Variants in PRKCB observed in about 807,000 individuals in gnomAD.
PRKCB encodes the protein protein kinase C beta type.
Under a neutral mutation model 81.5 loss-of-function variants are expected in PRKCB, and 13 were observed. The ratio of observed to expected loss-of-function variants is 0.16; its 90% CI spans 0.10 to 0.25. The LOEUF is 0.25. Ranked by LOEUF, PRKCB falls within the 10% of genes least tolerant of loss-of-function variation. The probability of loss-of-function intolerance (pLI) is 1.00; values close to 1 mark genes in which losing one functional copy is unlikely to be tolerated. For missense variants in PRKCB, 509 were observed against 875.7 expected (o/e 0.58, Z 5.29); for synonymous variants, 335 against 321.4 (o/e 1.04, Z -0.45).
intron 2 of PRKCB, among the ~76,000 whole-genome samples, chr16:23,884,031 A>T (rs1008913411): frequency 3.3e-5 from 5 of 152,344 alleles, no homozygotes; most frequent in Middle Eastern, 6.8e-3. Flanking sequence ...ACTTCCCCGC[A>T]TAGCAAGTCT....
chr16:23,966,045 A>G (rs1372013724), intron 2 of PRKCB, among the ~76,000 whole-genome samples: 1 of 152,246 alleles, frequency 6.6e-6, no homozygotes, highest in Non-Finnish European at 1.5e-5. Flanking sequence ...CCATGGGGTA[A>G]GAGGGCCATT....
At chr16:23,855,249 G>T (rs568789078) in intron 2 of PRKCB, among the ~76,000 whole-genome samples, 1 of 152,264 alleles carries the variant, frequency 6.6e-6, no homozygotes, top group African/African-American at 2.4e-5. Flanking sequence ...ATGGAGTGCG[G>T]ATGAGGTCTG....
chr16:24,182,873 T>TTTGTGTGTGTGTGTGTG (rs1555501177), intron 13 of PRKCB, among the ~76,000 whole-genome samples: 44 of 133,520 alleles, frequency 3.3e-4, no homozygotes, highest in African/African-American at 1.3e-3. Context: ...ACATTGTTTC[T>TTTGTGTGTGTGTGTGTG]TGTGTGTGTG....
chr16:24,164,653 G>C (rs1396569538), intron 10 of PRKCB, among the ~76,000 whole-genome samples: 1 of 152,146 alleles, frequency 6.6e-6, no homozygotes, highest in Non-Finnish European at 1.5e-5. Context: ...AGAGGGAGAG[G>C]ATAGAAATAT....
At chr16:23,976,911 A>G (rs1400042158) in intron 2 of PRKCB, among the ~76,000 whole-genome samples, 1 of 152,000 alleles carries the variant, frequency 6.6e-6, no homozygotes, top group East Asian at 1.9e-4. Flanking sequence ...TGGTGGATTT[A>G]TTTACTTCTC....
chr16:24,147,782 C>T (rs1967017693), intron 9 of PRKCB, among the ~76,000 whole-genome samples: 1 of 152,212 alleles, frequency 6.6e-6, no homozygotes, highest in African/African-American at 2.4e-5. Context: ...TTTGTTAAGC[C>T]CTCCCTTCTT....
rs865865177 is a variant in PRKCB at position 24,218,855 on chromosome 16, G to A, written c.*4039G>A. 2.5e-5 allele frequency: 25 copies of A among 985,312 alleles called. No homozygotes were observed. The African/African-American group carries it at 3.3e-4, about 13-fold the overall frequency. The allele number at this position is 985,312 out of a possible 1,614,324, so 61.0% of individuals were successfully genotyped here. A position where few individuals can be genotyped will look rare whatever the true frequency, so the allele number is the denominator to read the frequency against. On this transcript the variant is annotated 3_prime_UTR_variant, in exon 17 of 17. Coordinates refer to ENST00000643927, the MANE Select transcript of PRKCB (RefSeq NM_002738.7). ...GTTGTCTTGTAATAAAACAGCCATG[G>A]GGTTGTCCCTCCAGTCCGAGAGACT...
At chr16:23,946,704 G>T (rs1230299189) in intron 2 of PRKCB, among the ~76,000 whole-genome samples, 1 of 152,042 alleles carries the variant, frequency 6.6e-6, no homozygotes, top group African/African-American at 2.4e-5. Flanking sequence ...GCGTGCAGAA[G>T]AATCACCTGT....
At position 24,023,828 on chromosome 16, in the gene PRKCB, A is replaced by C. The variant is rs546463771; in HGVS notation, c.289-8308A>C. Among the ~76,000 whole-genome samples, 63 of 151,174 alleles carry C rather than the reference A, an allele frequency of 4.2e-4. No homozygotes were observed. The Middle Eastern group carries it at 0.014, about 33-fold the overall frequency. On this transcript the variant is annotated intron_variant, in intron 3 of 16. Coordinates refer to ENST00000643927, the MANE Select transcript of PRKCB (RefSeq NM_002738.7). ...ATCTGCCTCTGCCAGCTCCTACCAC[A>C]CCCCCTCCATGACGTGGTGACTAGA...
chr16:23,850,267 T>C (rs1017674952), intron 2 of PRKCB, among the ~76,000 whole-genome samples: 1 of 152,240 alleles, frequency 6.6e-6, no homozygotes, highest in African/African-American at 2.4e-5. Flanking sequence ...TTGTAAGTAG[T>C]ACTGCAACAA....
chr16:24,122,500 C>A (rs1966811616), intron 8 of PRKCB, among the ~76,000 whole-genome samples: 1 of 145,010 alleles, frequency 6.9e-6, no homozygotes, highest in Non-Finnish European at 1.5e-5. Flanking sequence ...CACTCTGTCA[C>A]CCAGGCTGGT....
At chr16:24,122,177 A>G (rs1161683309) in intron 8 of PRKCB, among the ~76,000 whole-genome samples, 1 of 152,152 alleles carries the variant, frequency 6.6e-6, no homozygotes. Context: ...CAGAGGTGAG[A>G]GAGTTCTGGG....
chr16:23,996,043 T>G (rs531182492), intron 3 of PRKCB, among the ~76,000 whole-genome samples: 21 of 151,910 alleles, frequency 1.4e-4, no homozygotes, highest in Middle Eastern at 6.8e-3. Context: ...TGTGACTATA[T>G]CCTGATTCAT....
intron 8 of PRKCB, among the ~76,000 whole-genome samples, chr16:24,116,180 A>G (rs937198411): frequency 5.3e-5 from 8 of 152,272 alleles, no homozygotes; most frequent in South Asian, 2.1e-4. Flanking sequence ...CTGAGGGCAC[A>G]TCGTACACAG....
At position 24,036,062 on chromosome 16, in the gene PRKCB, A is replaced by T. The variant is rs954330166; in HGVS notation, c.529+515A>T. Among the ~76,000 whole-genome samples the T allele has an allele frequency of 3.9e-5, 6 of 152,176 alleles. No homozygotes were observed. The East Asian group carries it at 1.2e-3, about 29-fold the overall frequency. On this transcript the variant is annotated intron_variant, in intron 5 of 16. Transcript: ENST00000643927. ...AGGGTGCAATTCAGGGGCTTTCCAC[A>T]TATTTGAAATATTTCTTTCTTGAAC...
At chr16:24,188,524 C>A (rs1967739912) in intron 15 of PRKCB, among the ~76,000 whole-genome samples, 1 of 152,092 alleles carries the variant, frequency 6.6e-6, no homozygotes, top group Non-Finnish European at 1.5e-5. Flanking sequence ...CTTTTGAAAA[C>A]AGTCACCTGT....
At chr16:24,140,960 A>G (rs896801625) in intron 9 of PRKCB, among the ~76,000 whole-genome samples, 7 of 152,212 alleles carry the variant, frequency 4.6e-5, no homozygotes, top group African/African-American at 1.4e-4. Flanking sequence ...GACTAAGGGC[A>G]GTTTGGAAGT....
intron 15 of PRKCB, among the ~76,000 whole-genome samples, chr16:24,187,735 G>A (rs1596589079): frequency 1.3e-5 from 2 of 152,088 alleles, no homozygotes; most frequent in South Asian, 2.1e-4. Flanking sequence ...CTAGAGTGCC[G>A]TGGAGTGATC....
intron 2 of PRKCB, among the ~76,000 whole-genome samples, chr16:23,878,489 T>C (rs1207948836): frequency 6.6e-6 from 1 of 152,126 alleles, no homozygotes; most frequent in Non-Finnish European, 1.5e-5. Context: ...TACAGCAACG[T>C]CACCCTCAAA....
Sources: gnomAD v4.1 joint callset for allele counts (sites outside exome capture counted in the v4.1 genomes callset) on GRCh38, gnomAD v4.1.1 for gene constraint, MANE v1.5 for transcripts, NCBI Gene and HGNC (gene_info 2026-07-23, HGNC 2026-07-21) for gene names.